FNDC1: variants seen among roughly 807,000 people sequenced by gnomAD.
The protein encoded by FNDC1 is fibronectin type III domain-containing protein 1.
FNDC1 carries 96 observed loss-of-function variants against 168.0 expected under a neutral mutation model. The observed-to-expected ratio is 0.57, with a 90% CI of 0.48 to 0.68. FNDC1 has a LOEUF of 0.68. FNDC1 is among the 30% of genes least tolerant of loss of function. The pLI is 0.00. For missense variants in FNDC1, 2,587 were observed against 2,482.1 expected, an observed-to-expected ratio of 1.04 and a Z score of -0.90; for synonymous variants, 1,099 against 1,025.9, an observed-to-expected ratio of 1.07 and a Z score of -1.36.
chr6:159,269,225 CT>C (rs1304395836), intron 22 of FNDC1, among the ~76,000 whole-genome samples: 4 of 138,154 alleles, frequency 2.9e-5, no homozygotes, highest in African/African-American at 1.2e-4. Flanking sequence ...ATCTATCTAT[CT>C]ATCTATCTAT....
At chr6:159,251,631 GTGGGTTGGA>G (rs1272864811) in intron 17 of FNDC1, 99 bp downstream of exon 17, 5 of 1,050,620 alleles carry the variant, frequency 4.8e-6, no homozygotes, top group Admixed American at 4.1e-5. Context: ...GCATGGATGA[GTGGGTTGGA>G]TGGGTTGGAT....
chr6:159,200,021 G>A lies in FNDC1; in HGVS notation c.330G>A (p.Leu110=). 6.2e-7 allele frequency: 1 copy of A among 1,606,422 alleles called. No homozygotes were observed. The highest frequency in any genetic ancestry group is 8.5e-7 in the Non-Finnish European group (1 of 1,176,314). Residue 110 remains leucine (L), a synonymous_variant, in exon 3 of 23, where the codon CTG becomes CTA. Coordinates refer to ENST00000297267, the MANE Select transcript of FNDC1 (RefSeq NM_032532.3). ...AGCCGGGGGTAGTGTACTTTGTGCT[G>A]CTTACTGCAGAAAACCACAGTGGAG... ...DVEPGVVYFV[L]LTAENHSGVS...
intron 4 of FNDC1, among the ~76,000 whole-genome samples, chr6:159,207,086 G>A (rs1229819387): frequency 1.3e-5 from 2 of 152,194 alleles, no homozygotes; most frequent in Non-Finnish European, 2.9e-5. Context: ...AAAGGCCTCA[G>A]GAGTCCCTGC....
intron 1 of FNDC1, among the ~76,000 whole-genome samples, chr6:159,180,100 C>G (rs1405780465): frequency 1.3e-5 from 2 of 152,156 alleles, no homozygotes; most frequent in Admixed American, 6.5e-5. Context: ...AATGTATTAT[C>G]TTGCAGCTCC....
intron 15 of FNDC1, among the ~76,000 whole-genome samples, chr6:159,248,103 C>T (rs978220553): frequency 2.0e-5 from 3 of 152,150 alleles, no homozygotes; most frequent in African/African-American, 7.2e-5. Context: ...CAAACAAAAA[C>T]TGACTTAAAA....
At chr6:159,198,705 C>T (rs1782306103) in intron 2 of FNDC1, among the ~76,000 whole-genome samples, 1 of 152,202 alleles carries the variant, frequency 6.6e-6, no homozygotes, top group Non-Finnish European at 1.5e-5. Flanking sequence ...AGTCGTAGAG[C>T]TCACTAAAAA....
At chr6:159,269,136 C>T (rs1777658772) in intron 22 of FNDC1, among the ~76,000 whole-genome samples, 1 of 149,980 alleles carries the variant, frequency 6.7e-6, no homozygotes, top group Admixed American at 6.7e-5. Context: ...ATCTGTCCAT[C>T]CATCTATCTA....
Position 159,239,703 on chromosome 6 carries a change from C to G in FNDC1, c.4367C>G (p.Thr1456Ser). ...PPTTTMQPTT[T>S]TTPLPTTTTP... Reference sequence around the variant, plus strand: ...ACCACTACCATGCAGCCCACCACTACTACGACGCCCCTGCCTACCACTACA... The same window carrying G: ...ACCACTACCATGCAGCCCACCACTAGTACGACGCCCCTGCCTACCACTACA... Residue 1456 changes from threonine (T) to serine (S), a missense_variant, in exon 14 of 23, where the codon ACT (threonine) becomes AGT (serine). Transcript: ENST00000297267. 1 of 1,549,400 alleles carries G rather than the reference C, an allele frequency of 6.5e-7. No homozygotes were observed. The highest frequency in any genetic ancestry group is 1.4e-5 in the African/African-American group (1 of 73,088).
At chr6:159,262,556 G>A (rs1777507350) in intron 19 of FNDC1, among the ~76,000 whole-genome samples, 1 of 152,154 alleles carries the variant, frequency 6.6e-6, no homozygotes, top group Non-Finnish European at 1.5e-5. Context: ...TAAAAACAAA[G>A]TGGACCTTGG....
intron 12 of FNDC1, 86 bp downstream of exon 12, chr6:159,236,401 G>A (rs1783261291): frequency 1.1e-6 from 1 of 877,984 alleles, no homozygotes; most frequent in South Asian, 1.6e-5. Context: ...GATAAATGAA[G>A]TGGTCTTTGT....
At chr6:159,205,671 TA>T (rs913032173) in intron 4 of FNDC1, among the ~76,000 whole-genome samples, 1 of 152,208 alleles carries the variant, frequency 6.6e-6, no homozygotes. Flanking sequence ...AATTTCTTTC[TA>T]AGGTTCCAAG....
intron 1 of FNDC1, among the ~76,000 whole-genome samples, chr6:159,195,765 A>G (rs959938649): frequency 6.6e-6 from 1 of 152,242 alleles, no homozygotes; most frequent in Non-Finnish European, 1.5e-5. Flanking sequence ...TTGAATCACT[A>G]GTGCCTGGTA....
intron 15 of FNDC1, among the ~76,000 whole-genome samples, chr6:159,248,333 G>A (rs1777180158): frequency 6.6e-6 from 1 of 151,498 alleles, no homozygotes; most frequent in South Asian, 2.1e-4. Flanking sequence ...TTGAGATGGA[G>A]TCTCGCTCTG....
In FNDC1 at chr6:159,234,229, T is replaced by A; in HGVS notation, c.3717T>A (p.Pro1239=). Residue 1239 remains proline (P), a synonymous_variant, in exon 11 of 23, where the codon CCT becomes CCA. Transcript: ENST00000297267. The part of the protein sequence containing the change: ...ALAPRGGSLA[P]VKRPLPPPPG... ...CCCCTCGCGGAGGGAGCCTGGCTCC[T>A]GTGAAGCGACCTCTCCCCCCACCTC... The A allele has an allele frequency of 6.3e-7, 1 of 1,593,006 alleles. No homozygotes were observed. Among genetic ancestry groups the A allele is most frequent in the South Asian group, 1.1e-5 (1 of 88,080 alleles).
chr6:159,238,579 T>C lies in FNDC1; in HGVS notation c.4094T>C (p.Val1365Ala), dbSNP rs761057936. 3.7e-6 allele frequency: 6 copies of C among 1,611,652 alleles called. No homozygotes were observed. Among genetic ancestry groups the C allele is most frequent in the East Asian group, 2.2e-5 (1 of 44,866 alleles). ...GTTGTGGACCTTGATCGTGGGTTAG[T>C]ATTGAATGCAGAAGGAAGGTACCTC... Reference protein sequence around the residue: ...KWVVDLDRGLVLNAEGRYLQD... With the variant: ...KWVVDLDRGLALNAEGRYLQD... The change falls in exon 13 of 23, where the codon GTA (valine) becomes GCA (alanine). Residue 1365 changes from valine (V) to alanine (A), a missense_variant. Transcript: ENST00000297267.
At chr6:159,207,745 C>T (rs758069008) in intron 4 of FNDC1, among the ~76,000 whole-genome samples, 1 of 152,186 alleles carries the variant, frequency 6.6e-6, no homozygotes, top group Non-Finnish European at 1.5e-5. Context: ...AGACGTTCAA[C>T]AAAACAAGGT....
chr6:159,243,699 C>T (rs963867130), intron 14 of FNDC1, among the ~76,000 whole-genome samples: 1 of 151,978 alleles, frequency 6.6e-6, no homozygotes, highest in African/African-American at 2.4e-5. Context: ...TTTAAAATGA[C>T]ATTCAGGTGG....
chr6:159,258,044 C>T (rs980859500), intron 18 of FNDC1, among the ~76,000 whole-genome samples: 3 of 152,056 alleles, frequency 2.0e-5, no homozygotes, highest in Non-Finnish European at 4.4e-5. Flanking sequence ...CCTCCTGACT[C>T]GCCGAGTCCA....
At chr6:159,189,417 C>T (rs1224466504) in intron 1 of FNDC1, among the ~76,000 whole-genome samples, 1 of 152,192 alleles carries the variant, frequency 6.6e-6, no homozygotes, top group Admixed American at 6.5e-5. Context: ...GTCACACGTC[C>T]ATTACCAGAA....
Sources: allele counts gnomAD v4.1 joint callset (sites outside exome capture counted in the v4.1 genomes callset), GRCh38; gene constraint gnomAD v4.1.1; transcripts MANE v1.5; gene names NCBI Gene and HGNC (gene_info 2026-07-23, HGNC 2026-07-21).